Variants in CACNB4 observed in about 807,000 individuals in gnomAD.
CACNB4 encodes the protein voltage-dependent L-type calcium channel subunit beta-4.
A neutral mutation model predicts 71.2 loss-of-function variants in CACNB4; 32 were observed. The ratio of observed to expected loss-of-function variants is 0.45; its 90% CI spans 0.34 to 0.60. CACNB4 has a LOEUF of 0.60. CACNB4 is among the 20% of genes least tolerant of loss of function. The pLI, the probability that CACNB4 is intolerant of heterozygous loss-of-function variation, is 0.01. For synonymous variants in CACNB4, 231 were observed against 236.9 expected (o/e 0.97, Z 0.23); for missense variants, 464 against 647.9 (o/e 0.72, Z 3.08).
At chr2:152,032,089 TAGAG>T (rs1002726254) in intron 2 of CACNB4, among the ~76,000 whole-genome samples, 11 of 151,834 alleles carry the variant, frequency 7.2e-5, no homozygotes, top group South Asian at 4.2e-4. Flanking sequence ...ATGTGGCAAA[TAGAG>T]AGAGAGAAAA....
intron 12 of CACNB4, chr2:151,853,114 T>C: frequency 4.6e-6 from 1 of 218,542 alleles, no homozygotes; most frequent in South Asian, 7.9e-5. Flanking sequence ...ATCAAATTGG[T>C]ATGTTTTCTT....
intron 2 of CACNB4, among the ~76,000 whole-genome samples, chr2:151,944,027 C>CT (rs377579759): frequency 0.45 from 61,029 of 134,704 alleles, 16,625 homozygotes; most frequent in Non-Finnish European, 0.63. Context: ...TACTTTCTTT[C>CT]TTTTTTTTTT....
At chr2:151,962,469 T>A (rs1219097605) in intron 2 of CACNB4, among the ~76,000 whole-genome samples, 1 of 152,220 alleles carries the variant, frequency 6.6e-6, no homozygotes, top group Non-Finnish European at 1.5e-5. Context: ...TTTTACCTTT[T>A]AAAAAATATT....
intron 13 of CACNB4, chr2:151,841,693 C>T (rs2151319139): frequency 4.0e-6 from 2 of 497,752 alleles, no homozygotes; most frequent in South Asian, 3.0e-5. Context: ...TGTAAATTCA[C>T]AGACAGCATA....
rs965761344 is a variant in CACNB4, at chr2:152,098,733, C to A, written c.63+216G>T. The A allele has an allele frequency of 4.5e-6, 7 of 1,542,368 alleles. No individual in the cohort carries two copies. The Admixed American group carries it at 5.9e-5, about 13-fold the overall frequency. Reference sequence around the variant, plus strand: ...GGGCTCCGGAGCGGGAGCGCAGAGACCCGAAGGAGGGTGAGGAGGAGGAGG... The same window carrying A: ...GGGCTCCGGAGCGGGAGCGCAGAGAACCGAAGGAGGGTGAGGAGGAGGAGG... On this transcript the variant is annotated intron_variant, in intron 1 of 13. Transcript: ENST00000539935. The surrounding 1 kb of genome is among the most constrained non-coding windows in gnomAD (Gnocchi z 5.3).
In CACNB4 at chr2:151,841,650, T is replaced by C. The variant is rs72621646; in HGVS notation, c.1302+253A>G. On this transcript the variant is annotated intron_variant, in intron 13 of 13. Transcript: ENST00000539935. ...TACGTTTGCCAGCAGAGTTTAGACA[T>C]AGGAGGAGTTAATTTACCTAAGTAA... The C allele has an allele frequency of 7.6e-3, 3,167 of 417,120 alleles. 148 individuals carry two copies. In the East Asian group the frequency reaches 0.11, roughly 15 times the overall value. The allele number at this position is 417,120 out of a possible 1,614,324, so 25.8% of individuals were successfully genotyped here.
chr2:151,946,960 T>C (rs1425399230), intron 2 of CACNB4, among the ~76,000 whole-genome samples: 1 of 152,230 alleles, frequency 6.6e-6, no homozygotes, highest in East Asian at 1.9e-4. Flanking sequence ...TCTGGTGTCC[T>C]GTGCCATAAA....
chr2:151,981,161 T>C (rs561919559), intron 2 of CACNB4, among the ~76,000 whole-genome samples: 2 of 152,320 alleles, frequency 1.3e-5, no homozygotes, highest in East Asian at 3.9e-4. Context: ...GCGAATCACA[T>C]AATAGTGTAA....
chr2:151,855,508 C>G (rs1255853553), intron 10 of CACNB4, 133 bp from the exon 11 acceptor site: 1 of 658,630 alleles, frequency 1.5e-6, no homozygotes, highest in Non-Finnish European at 2.3e-6. Flanking sequence ...ATAGTCCTGT[C>G]TAATTTAAGA....
At chr2:152,065,292 G>A (rs1686248951) in intron 2 of CACNB4, among the ~76,000 whole-genome samples, 1 of 151,912 alleles carries the variant, frequency 6.6e-6, no homozygotes. Flanking sequence ...GCTGAGGCAG[G>A]AGAATCACTT....
In CACNB4 at chr2:152,098,933, G is replaced by A. The variant is rs1249719310; in HGVS notation, c.63+16C>T. ...GGAAGAGGAGGAAGAGGAGAAGGGG[G>A]AGGAGGGGGCGGTACCTGCGAGGTG... On this transcript the variant is annotated intron_variant, in intron 1 of 13. Transcript: ENST00000539935. This position sits in a 1 kb window ranked among gnomAD's most constrained non-coding sequence, Gnocchi z 5.3. The A allele has an allele frequency of 8.5e-6, 12 of 1,408,600 alleles. No individual in the cohort carries two copies. The highest frequency in any genetic ancestry group is 4.4e-5 in the African/African-American group (3 of 68,472). 87.3% of individuals were successfully genotyped at this position (1,408,600 alleles called of 1,614,324 possible).
At chr2:151,846,022 A>T (rs546649561) in intron 12 of CACNB4, among the ~76,000 whole-genome samples, 52 of 152,346 alleles carry the variant, frequency 3.4e-4, no homozygotes, top group Non-Finnish European at 6.9e-4. Flanking sequence ...AGGGGAAGAA[A>T]GACTGAAACT....
At chr2:151,993,544 A>G in intron 2 of CACNB4, among the ~76,000 whole-genome samples, 1 of 147,552 alleles carries the variant, frequency 6.8e-6, no homozygotes, top group Admixed American at 6.9e-5. Context: ...CTGAACACGG[A>G]GGCATAGGTT....
chr2:152,044,421 T>C (rs928064644), intron 2 of CACNB4, among the ~76,000 whole-genome samples: 2 of 152,162 alleles, frequency 1.3e-5, no homozygotes, highest in Admixed American at 1.3e-4. Context: ...GGTTTCACCA[T>C]GTTGGTCAGG....
At chr2:152,065,403 A>G (rs1397977732) in intron 2 of CACNB4, among the ~76,000 whole-genome samples, 4 of 148,828 alleles carry the variant, frequency 2.7e-5, no homozygotes, top group Admixed American at 2.7e-4. Flanking sequence ...AAAAAAAAAG[A>G]GAGAGAGAGA....
chr2:152,031,417 C>T (rs1223968631), intron 2 of CACNB4, among the ~76,000 whole-genome samples: 2 of 152,192 alleles, frequency 1.3e-5, no homozygotes, highest in East Asian at 3.8e-4. Flanking sequence ...AAACTGGAAA[C>T]ATGGGACTCT....
intron 9 of CACNB4, chr2:151,861,854 A>AAC (rs1475123011): frequency 1.3e-5 from 2 of 150,118 alleles, no homozygotes; most frequent in African/African-American, 5.0e-5. Flanking sequence ...AAAAAAAAAA[A>AAC]AAAACTGAAG....
At chr2:151,968,537 T>C (rs950643862) in intron 2 of CACNB4, 4 of 152,108 alleles carry the variant, frequency 2.6e-5, no homozygotes, top group Admixed American at 6.5e-5. Flanking sequence ...TAAGAGACGG[T>C]AAAGGGGAGA....
chr2:151,883,127 A>C (rs1026991618), intron 3 of CACNB4, 124 bp downstream of exon 3: 1 of 990,516 alleles, frequency 1.0e-6, no homozygotes, highest in African/African-American at 1.6e-5. Flanking sequence ...AGAGCTTCCC[A>C]ATCTGGAGCC....
Sources: gnomAD v4.1 joint callset for allele counts (sites outside exome capture counted in the v4.1 genomes callset) on GRCh38, gnomAD v4.1.1 for gene constraint, Gnocchi (gnomAD v3.1) non-coding constraint, MANE v1.5 for transcripts, NCBI Gene and HGNC (gene_info 2026-07-23, HGNC 2026-07-21) for gene names.